The following CYFIP2 variants were observed in gnomAD, a reference collection of about 807,000 sequenced individuals.
CYFIP2 encodes cytoplasmic FMR1-interacting protein 2.
CYFIP2 carries 29 observed loss-of-function variants against 158.7 expected under a neutral mutation model. The ratio of observed to expected loss-of-function variants is 0.18; its 90% CI spans 0.14 to 0.25. The LOEUF is 0.25. Ranked by LOEUF, CYFIP2 falls within the 10% of genes least tolerant of loss-of-function variation. The pLI, the probability that CYFIP2 is intolerant of heterozygous loss-of-function variation, is 1.00. For missense variants in CYFIP2, 852 were observed against 1,639.5 expected (o/e 0.52, Z 8.29); for synonymous variants, 585 against 617.6 (o/e 0.95, Z 0.78).
chr5:157,374,303 AT>A (rs1331788074), intron 26 of CYFIP2, among the ~76,000 whole-genome samples: 2 of 152,130 alleles, frequency 1.3e-5, no homozygotes, highest in Non-Finnish European at 1.5e-5. Flanking sequence ...TCCTCAGGAC[AT>A]TTCACCTCTT....
intron 11 of CYFIP2, among the ~76,000 whole-genome samples, chr5:157,313,136 C>A (rs1232756903): frequency 1.3e-5 from 2 of 152,212 alleles, no homozygotes; most frequent in African/African-American, 2.4e-5. Flanking sequence ...TGTAAAGTGG[C>A]CATGAACTCT....
chr5:157,339,138 A>G lies in CYFIP2; in HGVS notation c.2467A>G (p.Met823Val), dbSNP rs1762069828. Residue 823 changes from methionine to valine, a missense_variant, in exon 22 of 31, where the codon ATG becomes GTG. By Grantham distance (21) the Met-to-Val change is conservative. Around this residue, in one of 8 missense-constraint regions of CYFIP2, gnomAD observed 191 missense variants for 311.2 expected, o/e 0.61. Transcript: ENST00000620254. ...TATGACGCTGGACAGCTTCGATGCC[A>G]TGTTCCGAGAGGCCAATCACAATGT... ...KHMTLDSFDA[M>V]FREANHNVSA... is the part of the protein sequence containing the mutation. The G allele has an allele frequency of 6.2e-7, 1 of 1,613,878 alleles. No individual in the cohort carries two copies. The highest frequency in any genetic ancestry group is 8.5e-7 in the Non-Finnish European group (1 of 1,179,890).
chr5:157,279,121 A>T lies in CYFIP2; in HGVS notation c.-23-6218A>T, dbSNP rs531622283. Among the ~76,000 whole-genome samples, 4 of 152,352 alleles carry T rather than the reference A, an allele frequency of 2.6e-5. No individual in the cohort carries two copies. The South Asian group carries it at 6.2e-4, about 24-fold the overall frequency. On this transcript the variant is annotated intron_variant, in intron 1 of 30. Coordinates refer to ENST00000620254, the MANE Select transcript of CYFIP2 (RefSeq NM_001037333.3). ...ATTTATTGTAATTTTGTCTTTTGACATGTCTTTGCTGGCTACTGTGTTAAG... is the reference window on the plus strand; with the variant it reads ...ATTTATTGTAATTTTGTCTTTTGACTTGTCTTTGCTGGCTACTGTGTTAAG...
intron 1 of CYFIP2, among the ~76,000 whole-genome samples, chr5:157,274,021 G>T (rs1031475768): frequency 6.6e-6 from 1 of 151,566 alleles, no homozygotes; most frequent in Non-Finnish European, 1.5e-5. Flanking sequence ...TGTAATTCCA[G>T]CTACTCGGGA....
At chr5:157,366,470 T>G (rs772007967) in intron 26 of CYFIP2, among the ~76,000 whole-genome samples, 4 of 152,228 alleles carry the variant, frequency 2.6e-5, no homozygotes, top group Non-Finnish European at 5.9e-5. Context: ...CTCTGAAAGT[T>G]TTAGAGGTTA....
intron 2 of CYFIP2, among the ~76,000 whole-genome samples, chr5:157,286,579 T>TATATATATATATATA (rs1554106982): frequency 6.7e-6 from 1 of 148,224 alleles, no homozygotes; most frequent in African/African-American, 2.5e-5. Context: ...TATATATATA[T>TATATATATATATATA]TTAGCCTTTC....
At chr5:157,286,375 T>C (rs572251700) in intron 2 of CYFIP2, among the ~76,000 whole-genome samples, 2 of 149,952 alleles carry the variant, frequency 1.3e-5, no homozygotes, top group East Asian at 3.9e-4. Context: ...CATATATATA[T>C]ACATATATTT....
chr5:157,311,694 C>T lies in CYFIP2; in HGVS notation c.1023C>T (p.Pro341=), dbSNP rs1759742208. The change falls in exon 11 of 31, where the codon CCC becomes CCT. Residue 341 remains proline (P), a synonymous_variant. Transcript: ENST00000620254. This position sits in a 1 kb window ranked among gnomAD's most constrained non-coding sequence, Gnocchi z 4.7. ...CGTGCACCCAGAGCAGCATCAGCCC[C>T]CAGTACAATATCTGCGAGCAGATGG... The part of the protein sequence containing the change: ...KWTCTQSSIS[P]QYNICEQMVQ... The T allele has an allele frequency of 6.2e-7, 1 of 1,610,698 alleles. No individual in the cohort carries two copies. Among genetic ancestry groups the T allele is most frequent in the African/African-American group, 1.3e-5 (1 of 74,866 alleles).
At position 157,343,473 on chromosome 5, in the gene CYFIP2, G is replaced by A. The variant is rs148040523; in HGVS notation, c.2673+2316G>A. The A allele has an allele frequency of 6.0e-4, 968 of 1,607,162 alleles. No individual in the cohort carries two copies. Among genetic ancestry groups the A allele is most frequent in the Non-Finnish European group, 7.7e-4 (908 of 1,174,256 alleles). On this transcript the variant is annotated intron_variant, in intron 23 of 30. Transcript: ENST00000620254. ...ATATGGTAATAGTCCTCCAGGCAGG[G>A]CTCCGAGGACGACCAGGAGATGATG...
At position 157,301,030 on chromosome 5, in the gene CYFIP2, T is replaced by G. The variant is rs1181168849; in HGVS notation, c.569+134T>G. The stretch of plus-strand genomic sequence containing the variant: ...TACCAAACTAGCCATCCCCCAAACA[T>G]AGTGAGGCTTGGCCTGTTTCAGTGT... On this transcript the variant is annotated intron_variant, in intron 6 of 30. Transcript: ENST00000620254. The G allele has an allele frequency of 1.4e-5, 10 of 729,166 alleles. No homozygotes were observed. The East Asian group carries it at 2.4e-4, about 17-fold the overall frequency. 45.2% of individuals were successfully genotyped at this position (729,166 alleles called of 1,614,324 possible).
At chr5:157,323,034 T>A in intron 15 of CYFIP2, 3 of 1,535,924 alleles carry the variant, frequency 2.0e-6, no homozygotes, top group Non-Finnish European at 2.6e-6. Context: ...ACCGCCTGGC[T>A]GGGTTGGTTT....
intron 26 of CYFIP2, among the ~76,000 whole-genome samples, chr5:157,377,815 G>T (rs559449189): frequency 6.6e-6 from 1 of 152,164 alleles, no homozygotes; most frequent in African/African-American, 2.4e-5. Context: ...TATAGAGAAC[G>T]TGCAGGTCCT....
chr5:157,378,168 T>C (rs1765673699), intron 26 of CYFIP2, among the ~76,000 whole-genome samples: 1 of 152,198 alleles, frequency 6.6e-6, no homozygotes, highest in Non-Finnish European at 1.5e-5. Flanking sequence ...GGTCTAATTA[T>C]AGACTTGGAA....
At chr5:157,389,793 G>A (rs77644674) in intron 29 of CYFIP2, among the ~76,000 whole-genome samples, 11,458 of 152,226 alleles carry the variant, frequency 0.075, 517 homozygotes, top group South Asian at 0.16. Context: ...TAGGAAAAAG[G>A]CGTGGTGGGG....
intron 23 of CYFIP2, among the ~76,000 whole-genome samples, chr5:157,351,664 A>G (rs1028906238): frequency 6.6e-6 from 1 of 152,198 alleles, no homozygotes; most frequent in African/African-American, 2.4e-5. Flanking sequence ...GTTGGCCACT[A>G]GAGCTGGAGA....
intron 26 of CYFIP2, among the ~76,000 whole-genome samples, chr5:157,381,572 T>C (rs1445416542): frequency 6.7e-6 from 1 of 148,376 alleles, no homozygotes; most frequent in East Asian, 2.0e-4. Flanking sequence ...GTTTCCCCTC[T>C]GGATAAGAAA....
intron 12 of CYFIP2, 127 bp from the exon 13 acceptor site, chr5:157,314,842 G>A: frequency 2.6e-6 from 2 of 770,882 alleles, no homozygotes; most frequent in Non-Finnish European, 4.1e-6. Flanking sequence ...GGTTTTTCAT[G>A]TTGTAGCATG....
At chr5:157,318,427 G>A (rs1395802302) in intron 13 of CYFIP2, among the ~76,000 whole-genome samples, 2 of 152,084 alleles carry the variant, frequency 1.3e-5, no homozygotes, top group Admixed American at 6.5e-5. Context: ...TGTAGCCAGG[G>A]GCCCAGATTC....
rs558662549 is a variant in CYFIP2, at chr5:157,282,227, C to A, written c.-23-3112C>A. Among the ~76,000 whole-genome samples, 31 of 152,320 alleles carry A rather than the reference C, an allele frequency of 2.0e-4. No homozygotes were observed. In the East Asian group the frequency reaches 5.2e-3, roughly 26 times the overall value. ...CAGCTTCTGGGGAGGCCACAGAAAG[C>A]TTTCAATCATGGCAGAAGGCAGAGG... is the stretch of plus-strand genomic sequence containing the variant. On this transcript the variant is annotated intron_variant, in intron 1 of 30. Coordinates refer to ENST00000620254, the MANE Select transcript of CYFIP2 (RefSeq NM_001037333.3).
Sources: gnomAD v4.1 joint callset for allele counts (sites outside exome capture counted in the v4.1 genomes callset) on GRCh38, gnomAD v4.1.1 for gene constraint, gnomAD v4.1.1 regional missense constraint, Gnocchi (gnomAD v3.1) non-coding constraint, MANE v1.5 for transcripts, NCBI Gene and HGNC (gene_info 2026-07-23, HGNC 2026-07-21) for gene names.